Variants in MED27 observed in about 807,000 individuals in gnomAD.
The protein encoded by MED27 is mediator of RNA polymerase II transcription subunit 27.
Under a neutral mutation model 38.2 loss-of-function variants are expected in MED27, and 30 were observed. The observed-to-expected ratio is 0.79, with a 90% CI of 0.59 to 1.07. MED27 has a LOEUF of 1.07. MED27 is among the 50% of genes least tolerant of loss of function. MED27 has a pLI of 0.00. For missense variants in MED27, 289 were observed against 397.5 expected, an observed-to-expected ratio of 0.73 and a Z score of 2.32; for synonymous variants, 122 against 153.5, an observed-to-expected ratio of 0.79 and a Z score of 1.52.
At chr9:132,074,150 A>G (rs934804792) in intron 2 of MED27, among the ~76,000 whole-genome samples, 1 of 152,196 alleles carries the variant, frequency 6.6e-6, no homozygotes, top group African/African-American at 2.4e-5. Context: ...CACAACAATT[A>G]TCTATAGGTG....
intron 3 of MED27, among the ~76,000 whole-genome samples, chr9:131,961,039 G>A (rs1436229252): frequency 6.6e-6 from 1 of 152,208 alleles, no homozygotes; most frequent in Admixed American, 6.5e-5. Flanking sequence ...ATTATGAGTG[G>A]AATTATTCCT....
At chr9:132,058,604 C>A (rs372900746) in intron 2 of MED27, among the ~76,000 whole-genome samples, 1 of 152,178 alleles carries the variant, frequency 6.6e-6, no homozygotes, top group African/African-American at 2.4e-5. Flanking sequence ...CCCAGCCATG[C>A]GGAACTGTGA....
At chr9:131,871,996 C>T (rs923334714) in intron 6 of MED27, among the ~76,000 whole-genome samples, 3 of 152,176 alleles carry the variant, frequency 2.0e-5, no homozygotes, top group African/African-American at 7.2e-5. Context: ...CCCGAGTGCC[C>T]AAAGGTCATG....
At chr9:132,065,600 G>A (rs544525942) in intron 2 of MED27, among the ~76,000 whole-genome samples, 1 of 152,340 alleles carries the variant, frequency 6.6e-6, no homozygotes, top group Admixed American at 6.5e-5. Flanking sequence ...CGTATCTAGA[G>A]CTTAACGCAC....
chr9:131,862,780 A>T lies in MED27; in HGVS notation c.801+283T>A, dbSNP rs1838673855. ...CCTGGCCCAGATTAGGAGCTCAATG[A>T]AATATCTGTGGACTAAGTCAATGCT... is the stretch of plus-strand genomic sequence containing the variant. On this transcript the variant is annotated intron_variant, in intron 7 of 7. Transcript: ENST00000292035. This position sits in a 1 kb window ranked among gnomAD's most constrained non-coding sequence, Gnocchi z 4.6. 6.6e-6 allele frequency among the ~76,000 whole-genome samples: 1 copy of T among 152,190 alleles called. No individual in the cohort carries two copies. The highest frequency in any genetic ancestry group is 2.4e-5 in the African/African-American group (1 of 41,448).
At chr9:131,975,619 A>G (rs1831588147) in intron 3 of MED27, among the ~76,000 whole-genome samples, 1 of 152,232 alleles carries the variant, frequency 6.6e-6, no homozygotes, top group South Asian at 2.1e-4. Flanking sequence ...CTGGGGGAGC[A>G]AAGATGAAGA....
chr9:131,929,632 C>T (rs1830544272), intron 4 of MED27, among the ~76,000 whole-genome samples: 2 of 152,160 alleles, frequency 1.3e-5, no homozygotes, highest in South Asian at 2.1e-4. Flanking sequence ...TGGCAGAACT[C>T]CCCACGGACC....
rs1452208091 is a variant in MED27 at position 131,869,078 on chromosome 9, G to C, written c.724-5938C>G. 4.1e-6 allele frequency: 4 copies of C among 985,322 alleles called. No homozygotes were observed. In the East Asian group the frequency reaches 4.5e-4, roughly 112 times the overall value. The allele number at this position is 985,322 out of a possible 1,614,324, so 61.0% of individuals were successfully genotyped here. ...AGCATATATTCTCTTCCACTGCCAAGTGCTGGCAGCTTTTTCCAGCGCTGA... is the reference window on the plus strand; with the variant it reads ...AGCATATATTCTCTTCCACTGCCAACTGCTGGCAGCTTTTTCCAGCGCTGA... On this transcript the variant is annotated intron_variant, in intron 6 of 7. Coordinates refer to ENST00000292035, the MANE Select transcript of MED27 (RefSeq NM_004269.4).
intron 4 of MED27, among the ~76,000 whole-genome samples, chr9:131,920,913 G>A (rs1830379106): frequency 1.3e-5 from 2 of 152,090 alleles, no homozygotes; most frequent in Admixed American, 6.5e-5. Context: ...CCTATAAAAG[G>A]CTCTGGCTTC....
At chr9:131,980,142 A>G (rs531200909) in intron 3 of MED27, among the ~76,000 whole-genome samples, 3 of 151,614 alleles carry the variant, frequency 2.0e-5, no homozygotes, top group Non-Finnish European at 4.4e-5. Context: ...ATAGTGCCAC[A>G]TACACATGCA....
chr9:131,958,811 G>C (rs1181796246), intron 3 of MED27, among the ~76,000 whole-genome samples: 1 of 152,194 alleles, frequency 6.6e-6, no homozygotes, highest in Non-Finnish European at 1.5e-5. Context: ...CCTGTGACCG[G>C]TCTTTACAGC....
chr9:132,011,918 T>C (rs1020726046), intron 3 of MED27, among the ~76,000 whole-genome samples: 2 of 151,092 alleles, frequency 1.3e-5, no homozygotes, highest in African/African-American at 4.9e-5. Context: ...TTATTATAAA[T>C]TTATAATGAC....
chr9:132,006,764 G>A (rs1832365748), intron 3 of MED27, among the ~76,000 whole-genome samples: 2 of 152,160 alleles, frequency 1.3e-5, no homozygotes, highest in Admixed American at 6.5e-5. Flanking sequence ...ATCCTGGCAA[G>A]TGTTTGCCTT....
rs12338828 is a variant in MED27, at chr9:131,948,036, T to C, written c.480-8562A>G. 5.8e-3 allele frequency among the ~76,000 whole-genome samples: 884 copies of C among 152,224 alleles called. 8 individuals carry two copies. The highest frequency in any genetic ancestry group is 0.02 in the African/African-American group (849 of 41,540). On this transcript the variant is annotated intron_variant, in intron 3 of 7. Transcript: ENST00000292035. ...TGTTTAATTACTTCAGGAGATGAGATTGACTGAAACTACAACTATCAATCT... is the reference window on the plus strand; with the variant it reads ...TGTTTAATTACTTCAGGAGATGAGACTGACTGAAACTACAACTATCAATCT...
intron 2 of MED27, among the ~76,000 whole-genome samples, chr9:132,066,255 G>A (rs1373442728): frequency 6.6e-6 from 1 of 152,214 alleles, no homozygotes; most frequent in Non-Finnish European, 1.5e-5. Flanking sequence ...CTTTATCAGG[G>A]CTGGAGGAAA....
At chr9:131,905,604 G>A (rs1412182725) in intron 4 of MED27, among the ~76,000 whole-genome samples, 1 of 147,266 alleles carries the variant, frequency 6.8e-6, no homozygotes, top group Non-Finnish European at 1.5e-5. Context: ...AAGCCGGGAT[G>A]GGAGAATTTC....
chr9:131,966,212 A>C (rs916630753), intron 3 of MED27, among the ~76,000 whole-genome samples: 3 of 139,570 alleles, frequency 2.1e-5, no homozygotes, highest in African/African-American at 5.6e-5. Context: ...AAAAAAAAAA[A>C]AAACAAAACA....
At chr9:131,970,281 C>A (rs967321309) in intron 3 of MED27, among the ~76,000 whole-genome samples, 1 of 152,234 alleles carries the variant, frequency 6.6e-6, no homozygotes, top group African/African-American at 2.4e-5. Context: ...CGGCGGGACG[C>A]CCGGAGTGGA....
chr9:131,901,538 G>T (rs1589195772), intron 4 of MED27, among the ~76,000 whole-genome samples: 1 of 152,186 alleles, frequency 6.6e-6, no homozygotes, highest in Admixed American at 6.5e-5. Context: ...TTGAGGAACG[G>T]AGGGAGGAGG....
Sources: gnomAD v4.1 joint callset for allele counts (sites outside exome capture counted in the v4.1 genomes callset) on GRCh38, gnomAD v4.1.1 for gene constraint, Gnocchi (gnomAD v3.1) non-coding constraint, MANE v1.5 for transcripts, NCBI Gene and HGNC (gene_info 2026-07-23, HGNC 2026-07-21) for gene names.